The following GPA33 variants were observed in gnomAD, a reference collection of about 807,000 sequenced individuals.
GPA33 encodes the protein cell surface A33 antigen.
Under a neutral mutation model 35.6 loss-of-function variants are expected in GPA33, and 27 were observed. That is an observed-to-expected ratio of 0.76 (90% CI 0.56 to 1.04). The LOEUF (loss-of-function observed/expected upper bound fraction) is 1.04. GPA33 is among the 50% of genes least tolerant of loss of function. The pLI is 0.00. For synonymous variants in GPA33, 176 were observed against 164.0 expected, an observed-to-expected ratio of 1.07 and a Z score of -0.56; for missense variants, 428 against 411.9, an observed-to-expected ratio of 1.04 and a Z score of -0.34.
chr1:167,078,656 C>T (rs757897442), intron 1 of GPA33: 1 of 152,226 alleles, frequency 6.6e-6, no homozygotes, highest in Non-Finnish European at 1.5e-5. Context: ...ACTTTAATCC[C>T]GGAGCGTGTA....
intron 6 of GPA33, 51 bp downstream of exon 6, chr1:167,054,925 A>G: frequency 6.2e-7 from 1 of 1,600,122 alleles, no homozygotes. Context: ...TGGGAAGCAT[A>G]TTTCCAGTCT....
chr1:167,056,619 G>GGCA (rs1666270132), intron 4 of GPA33, among the ~76,000 whole-genome samples: 2 of 94,636 alleles, frequency 2.1e-5, no homozygotes, highest in African/African-American at 3.9e-5. Context: ...TAGTGTGTGT[G>GGCA]GTGAGTGTGT....
chr1:167,054,581 CA>C, intron 6 of GPA33, 115 bp from the exon 7 acceptor site: 1 of 1,289,572 alleles, frequency 7.8e-7, no homozygotes, highest in Non-Finnish European at 1.1e-6. Flanking sequence ...CCCCACCCAC[CA>C]GCTGCAGAGG....
chr1:167,071,488 G>T (rs922732407), intron 2 of GPA33, among the ~76,000 whole-genome samples: 1 of 152,206 alleles, frequency 6.6e-6, no homozygotes, highest in African/African-American at 2.4e-5. Flanking sequence ...GGGATACATG[G>T]CTTGGCTAAT....
intron 4 of GPA33, among the ~76,000 whole-genome samples, chr1:167,056,302 T>C (rs933855513): frequency 3.6e-4 from 55 of 152,276 alleles, no homozygotes; most frequent in African/African-American, 1.3e-3. Flanking sequence ...TCAGAAGATA[T>C]TATTACTTTT....
chr1:167,070,452 A>G (rs1343496396), intron 2 of GPA33, among the ~76,000 whole-genome samples: 3 of 152,232 alleles, frequency 2.0e-5, no homozygotes, highest in African/African-American at 7.2e-5. Flanking sequence ...CCAAGGCACC[A>G]AGAAGTTAAA....
intron 4 of GPA33, among the ~76,000 whole-genome samples, chr1:167,058,976 T>C (rs1234541133): frequency 6.6e-6 from 1 of 152,202 alleles, no homozygotes; most frequent in Non-Finnish European, 1.5e-5. Flanking sequence ...GGTCTAGAGC[T>C]CATAACAGAT....
intron 1 of GPA33, among the ~76,000 whole-genome samples, chr1:167,087,367 C>T (rs1667074481): frequency 6.6e-6 from 1 of 152,218 alleles, no homozygotes; most frequent in Non-Finnish European, 1.5e-5. Context: ...TGTGCAAACT[C>T]ATTTAGTACC....
chr1:167,073,538 G>T lies in GPA33; in HGVS notation c.45C>A (p.Val15=). 1.2e-6 allele frequency: 2 copies of T among 1,613,260 alleles called. No individual in the cohort carries two copies. Among genetic ancestry groups the T allele is most frequent in the South Asian group, 2.2e-5 (2 of 90,962 alleles). The change falls in exon 2 of 7, where the codon GTC becomes GTA. Residue 15 remains valine, a splice_region_variant and synonymous_variant. Transcript: ENST00000367868. ...CAGAGATGGCATCGACGGTCACCCT[G>T]ACTGGAAAGAAAGTAGGCAGTGGAA... ...MWPVLWTLCA[V]RVTVDAISVE... is the part of the protein sequence containing the mutation.
chr1:167,066,611 A>G (rs921647369), intron 3 of GPA33, among the ~76,000 whole-genome samples: 3 of 152,248 alleles, frequency 2.0e-5, no homozygotes, highest in African/African-American at 7.2e-5. Flanking sequence ...TAACAGATCA[A>G]ATCGTCCTTC....
chr1:167,056,630 G>GCCTGGGAAGTAT (rs1273461249), intron 4 of GPA33, among the ~76,000 whole-genome samples: 23 of 422 alleles, frequency 0.055, no homozygotes, highest in African/African-American at 0.092. Flanking sequence ...GTGAGTGTGT[G>GCCTGGGAAGTAT]ATGTGTGTGG....
At chr1:167,055,265 T>G (rs939097718) in intron 5 of GPA33, among the ~76,000 whole-genome samples, 154 bp from the exon 6 acceptor site, 11 of 152,144 alleles carry the variant, frequency 7.2e-5, no homozygotes, top group Admixed American at 6.5e-4. Flanking sequence ...AGGAATATTC[T>G]TCAGGATGGA....
chr1:167,080,386 T>C (rs1053307197), intron 1 of GPA33, among the ~76,000 whole-genome samples: 2 of 152,204 alleles, frequency 1.3e-5, no homozygotes, highest in Non-Finnish European at 2.9e-5. Flanking sequence ...AGCACATGCA[T>C]TGTCCTAAAG....
At chr1:167,061,586 G>GTTTTTT (rs397981830) in intron 4 of GPA33, among the ~76,000 whole-genome samples, 5 of 74,650 alleles carry the variant, frequency 6.7e-5, no homozygotes, top group Admixed American at 2.0e-4. Context: ...TCTACTAACT[G>GTTTTTT]TTTTTTTTTT....
intron 4 of GPA33, among the ~76,000 whole-genome samples, chr1:167,056,597 A>ATAGTGTGTGTGATGGGAGTGTGATG (rs1558001605): frequency 0.051 from 74 of 1,442 alleles, 17 homozygotes; most frequent in East Asian, 0.36. Context: ...GTATGTGTGT[A>ATAGTGTGTGTGATGGGAGTGTGATG]TGTGGTGTGT....
At chr1:167,083,517 A>G (rs1449313521) in intron 1 of GPA33, among the ~76,000 whole-genome samples, 1 of 152,184 alleles carries the variant, frequency 6.6e-6, no homozygotes, top group African/African-American at 2.4e-5. Context: ...TGGGGATACA[A>G]CGTGGGGCAG....
chr1:167,066,821 A>C (rs1666602571), intron 3 of GPA33, among the ~76,000 whole-genome samples: 1 of 152,170 alleles, frequency 6.6e-6, no homozygotes, highest in African/African-American at 2.4e-5. Context: ...CAGAGGCCGG[A>C]GCACCGGGTC....
At chr1:167,061,598 T>G (rs980927640) in intron 4 of GPA33, among the ~76,000 whole-genome samples, 2 of 139,884 alleles carry the variant, frequency 1.4e-5, no homozygotes, top group Admixed American at 7.1e-5. Context: ...TTTTTTTTTT[T>G]TTTTTTTTTT....
intron 1 of GPA33, among the ~76,000 whole-genome samples, chr1:167,080,823 T>C (rs867272226): frequency 2.0e-5 from 3 of 152,192 alleles, no homozygotes; most frequent in African/African-American, 7.2e-5. Flanking sequence ...GCAAAGTGCC[T>C]AACATGTAAA....
Sources: gnomAD v4.1 joint callset for allele counts (sites outside exome capture counted in the v4.1 genomes callset) on GRCh38, gnomAD v4.1.1 for gene constraint, MANE v1.5 for transcripts, NCBI Gene and HGNC (gene_info 2026-07-23, HGNC 2026-07-21) for gene names.